Variants in PPIG observed in about 807,000 individuals in gnomAD.
PPIG encodes peptidylprolyl isomerase G.
Under a neutral mutation model 87.9 loss-of-function variants are expected in PPIG, and 26 were observed. The observed-to-expected ratio is 0.30, with a 90% CI of 0.22 to 0.41. The LOEUF (loss-of-function observed/expected upper bound fraction) is 0.41. Among genes scored for constraint, PPIG ranks in the 10% least tolerant of loss-of-function variants. The pLI is 1.00. For missense variants in PPIG, 722 were observed against 879.4 expected (o/e 0.82, Z 2.26); for synonymous variants, 308 against 276.5 (o/e 1.11, Z -1.13).
At chr2:169,598,837 T>G (rs201002713) in intron 1 of PPIG, among the ~76,000 whole-genome samples, 1 of 68,956 alleles carries the variant, frequency 1.5e-5, no homozygotes, top group Non-Finnish European at 2.8e-5. Flanking sequence ...AGGTAAATAT[T>G]TATATGTATA....
Position 169,612,422 on chromosome 2 carries a change from T to C in PPIG, c.378-2042T>C, listed in dbSNP as rs915533737. Among the ~76,000 whole-genome samples, 4 of 144,182 alleles carry C rather than the reference T, an allele frequency of 2.8e-5. No individual in the cohort carries two copies. The South Asian group carries it at 8.8e-4, about 32-fold the overall frequency. The allele number at this position is 144,182 out of a possible 152,430, so 94.6% of individuals were successfully genotyped here. ...TTTTTGAGACAGAATCTTGCTCTGTTGCCCAGCCTGGAGTGCAGTGGCAGA... is the reference window on the plus strand; with the variant it reads ...TTTTTGAGACAGAATCTTGCTCTGTCGCCCAGCCTGGAGTGCAGTGGCAGA... On this transcript the variant is annotated intron_variant, in intron 7 of 13. Coordinates refer to ENST00000260970, the MANE Select transcript of PPIG (RefSeq NM_004792.3).
intron 1 of PPIG, among the ~76,000 whole-genome samples, chr2:169,586,752 C>G (rs1684716185): frequency 6.6e-6 from 1 of 152,038 alleles, no homozygotes; most frequent in African/African-American, 2.4e-5. Context: ...TTTAGTTAGG[C>G]TTTTTTCCTT....
chr2:169,616,198 A>T (rs1283007380), intron 9 of PPIG, among the ~76,000 whole-genome samples: 1 of 152,168 alleles, frequency 6.6e-6, no homozygotes, highest in African/African-American at 2.4e-5. Context: ...TTATGGCTGC[A>T]TAGTATTCCA....
intron 9 of PPIG, among the ~76,000 whole-genome samples, chr2:169,622,138 T>G (rs1403621212): frequency 6.6e-6 from 1 of 152,014 alleles, no homozygotes; most frequent in African/African-American, 2.4e-5. Flanking sequence ...TAAAAGAGTT[T>G]TTGGCCAGGC....
rs1441840088 is a variant in PPIG at position 169,638,278 on chromosome 2, T to C, written c.*755T>C. 1 of 151,912 alleles carries C rather than the reference T, an allele frequency of 6.6e-6. No homozygotes were observed. Among genetic ancestry groups the C allele is most frequent in the African/African-American group, 2.4e-5 (1 of 41,402 alleles). The allele number at this position is 151,912 out of a possible 1,614,324, so 9.4% of individuals were successfully genotyped here. On this transcript the variant is annotated 3_prime_UTR_variant, in exon 14 of 14. Coordinates refer to ENST00000260970, the MANE Select transcript of PPIG (RefSeq NM_004792.3). ...AATCAGATTGTGATTCTCAGTTCTG[T>C]GTTGCTTTTGGTTTGAAGAGTTTTG... is the stretch of plus-strand genomic sequence containing the variant.
intron 1 of PPIG, among the ~76,000 whole-genome samples, chr2:169,592,636 C>G (rs964864970): frequency 2.6e-5 from 4 of 151,948 alleles, no homozygotes; most frequent in Non-Finnish European, 5.9e-5. Context: ...GATGCGTTCT[C>G]ATTATGTTGA....
intron 1 of PPIG, among the ~76,000 whole-genome samples, chr2:169,593,394 C>T (rs1185112331): frequency 6.6e-6 from 1 of 151,714 alleles, no homozygotes; most frequent in Non-Finnish European, 1.5e-5. Context: ...TGGGGTTTCA[C>T]CACATTGGTC....
At chr2:169,614,556 A>C in intron 8 of PPIG, 29 bp from the exon 9 acceptor site, 1 of 1,576,640 alleles carries the variant, frequency 6.3e-7, no homozygotes, top group Non-Finnish European at 8.6e-7. Flanking sequence ...AAAAGCTTTT[A>C]TTTAATAATT....
rs375554481 is a variant in PPIG, at chr2:169,626,670, G to A, written c.548-4104G>A. Among the ~76,000 whole-genome samples the A allele has an allele frequency of 2.2e-4, 33 of 151,666 alleles. No homozygotes were observed. In the East Asian group the frequency reaches 4.3e-3, roughly 20 times the overall value. Reference sequence around the variant, plus strand: ...CTTCCAAAGTGCTGGGATTATAGGCGTGAGCCACCACTCTCCACTGAACTT... The same window carrying A: ...CTTCCAAAGTGCTGGGATTATAGGCATGAGCCACCACTCTCCACTGAACTT... On this transcript the variant is annotated intron_variant, in intron 9 of 13. Transcript: ENST00000260970.
At chr2:169,605,434 C>T (rs918268361) in intron 4 of PPIG, among the ~76,000 whole-genome samples, 12 of 151,752 alleles carry the variant, frequency 7.9e-5, no homozygotes, top group Admixed American at 5.2e-4. Context: ...GCCCAGGAGG[C>T]GGAGGTGGCA....
In PPIG at chr2:169,637,232, TGA is replaced by T. The variant is rs750440222; in HGVS notation, c.1978_1979del (p.Ser660Ter). The part of the protein sequence containing the change: ...SKSSHRKENS[E>X]SEKRMYSKSR... Reference sequence around the variant, plus strand: ...AGAGCTCACACAGAAAAGAAAATTCTGAGAGTGAGAAAAGAATGTACTCTAAA... The same window carrying T: ...AGAGCTCACACAGAAAAGAAAATTCTGAGTGAGAAAAGAATGTACTCTAAA... On this transcript the variant is annotated frameshift_variant, in exon 14 of 14. Coordinates refer to ENST00000260970, the MANE Select transcript of PPIG (RefSeq NM_004792.3). LOFTEE classifies it high-confidence loss of function. 29 of 1,613,156 alleles carry T rather than the reference TGA, an allele frequency of 1.8e-5. No individual in the cohort carries two copies. The highest frequency in any genetic ancestry group is 2.4e-5 in the Non-Finnish European group (28 of 1,179,876).
Position 169,641,392 on chromosome 2 carries a change from C to G in PPIG, c.*3869C>G, listed in dbSNP as rs1686306872. On this transcript the variant is annotated 3_prime_UTR_variant, in exon 14 of 14. Coordinates refer to ENST00000260970, the MANE Select transcript of PPIG (RefSeq NM_004792.3). ...ATAGTTAAACATTGTATTAAATAAA[C>G]TATACTATAATAAACAGTTTGGTTT... The G allele has an allele frequency of 6.6e-6, 1 of 152,056 alleles. No homozygotes were observed. Among genetic ancestry groups the G allele is most frequent in the Non-Finnish European group, 1.5e-5 (1 of 67,988 alleles). The allele number at this position is 152,056 out of a possible 1,614,324, so 9.4% of individuals were successfully genotyped here. A position where few individuals can be genotyped will look rare whatever the true frequency, so the allele number is the denominator to read the frequency against.
At chr2:169,624,721 A>G (rs755215516) in intron 9 of PPIG, among the ~76,000 whole-genome samples, 66 of 151,996 alleles carry the variant, frequency 4.3e-4, no homozygotes, top group South Asian at 2.1e-3. Flanking sequence ...CTGAGTAGCT[A>G]GGACTACAGG....
rs779490879 is a variant in PPIG, at chr2:169,630,916, A to G, written c.690A>G (p.Arg230=). 5 of 1,603,936 alleles carry G rather than the reference A, an allele frequency of 3.1e-6. No individual in the cohort carries two copies. In the East Asian group the frequency reaches 6.7e-5, roughly 21 times the overall value. Residue 230 remains arginine, a synonymous_variant, in exon 10 of 14, where the codon AGA becomes AGG. Transcript: ENST00000260970. ...ESATEEKSKK[R]KKKHRKNSRK... ...CTACTGAAGAGAAATCAAAGAAAAGAAAAAAGAAACATCGGAAAAATTCCC... is the reference window on the plus strand; with the variant it reads ...CTACTGAAGAGAAATCAAAGAAAAGGAAAAAGAAACATCGGAAAAATTCCC...
chr2:169,630,732 G>T (rs768607260), intron 9 of PPIG, 42 bp from the exon 10 acceptor site: 3 of 1,501,696 alleles, frequency 2.0e-6, no homozygotes, highest in South Asian at 1.2e-5. Flanking sequence ...CACAAAGTTT[G>T]TCTAAAAATT....
At chr2:169,621,734 A>T (rs1231249179) in intron 9 of PPIG, among the ~76,000 whole-genome samples, 1 of 144,714 alleles carries the variant, frequency 6.9e-6, no homozygotes, top group Non-Finnish European at 1.5e-5. Flanking sequence ...TTGACAACTA[A>T]TTTTTTTTTT....
chr2:169,620,227 A>G (rs1004981597), intron 9 of PPIG, among the ~76,000 whole-genome samples: 1 of 152,074 alleles, frequency 6.6e-6, no homozygotes, highest in Non-Finnish European at 1.5e-5. Context: ...TCTTATGTTT[A>G]AGTCATTAAA....
intron 12 of PPIG, among the ~76,000 whole-genome samples, chr2:169,635,299 C>T (rs754758796): frequency 9.2e-5 from 14 of 152,092 alleles, no homozygotes; most frequent in Non-Finnish European, 1.6e-4. Flanking sequence ...CTAGTCCTTG[C>T]TTACCTCATC....
At chr2:169,601,331 G>A (rs1170749117) in intron 1 of PPIG, among the ~76,000 whole-genome samples, 2 of 152,142 alleles carry the variant, frequency 1.3e-5, no homozygotes, top group East Asian at 3.8e-4. Context: ...CTTGTCATAT[G>A]CCAAGCACTG....
Sources: gnomAD v4.1 joint callset for allele counts (sites outside exome capture counted in the v4.1 genomes callset) on GRCh38, gnomAD v4.1.1 for gene constraint, MANE v1.5 for transcripts, NCBI Gene and HGNC (gene_info 2026-07-23, HGNC 2026-07-21) for gene names.